Variants in ERCC6L2 observed in about 807,000 individuals in gnomAD.
ERCC6L2 encodes DNA excision repair protein ERCC-6-like 2.
In ERCC6L2, 77 loss-of-function variants were observed where a neutral mutation model predicts 132.0. That is an observed-to-expected ratio of 0.58 (90% CI 0.49 to 0.71). The LOEUF is 0.71. ERCC6L2 is among the 30% of genes least tolerant of loss of function. The probability of loss-of-function intolerance (pLI) is 0.00; values close to 1 mark genes in which losing one functional copy is unlikely to be tolerated. For missense variants in ERCC6L2, 1,542 were observed against 1,837.6 expected (o/e 0.84, Z 2.94); for synonymous variants, 583 against 632.4 (o/e 0.92, Z 1.17).
chr9:95,880,031 A>G (rs533810632), intron 1 of ERCC6L2, among the ~76,000 whole-genome samples: 1 of 152,310 alleles, frequency 6.6e-6, no homozygotes, highest in South Asian at 2.1e-4. Context: ...TCATAGTGGT[A>G]TATTTTCTGG....
At chr9:95,960,119 G>A (rs1831832008) in intron 13 of ERCC6L2, among the ~76,000 whole-genome samples, 1 of 152,070 alleles carries the variant, frequency 6.6e-6, no homozygotes, top group Non-Finnish European at 1.5e-5. Context: ...TGGAAACAAA[G>A]AAGCAAGACA....
At chr9:95,984,592 G>T (rs1409908270) in intron 17 of ERCC6L2, among the ~76,000 whole-genome samples, 2 of 151,898 alleles carry the variant, frequency 1.3e-5, no homozygotes, top group African/African-American at 4.8e-5. Flanking sequence ...TATGTCCTGT[G>T]ATTATTCTAA....
At chr9:95,929,183 T>A (rs1830231303) in intron 11 of ERCC6L2, 1 of 178,788 alleles carries the variant, frequency 5.6e-6, no homozygotes, top group Non-Finnish European at 1.2e-5. Context: ...TCTTATTAAC[T>A]GGATAACTGA....
chr9:95,952,218 A>G (rs961358467), intron 12 of ERCC6L2, among the ~76,000 whole-genome samples: 4 of 151,510 alleles, frequency 2.6e-5, no homozygotes, highest in Non-Finnish European at 5.9e-5. Context: ...AATGCTTCCA[A>G]AAAACTGAAG....
chr9:95,899,598 ATATG>A (rs1357184430), intron 3 of ERCC6L2, among the ~76,000 whole-genome samples: 4 of 113,212 alleles, frequency 3.5e-5, no homozygotes, highest in African/African-American at 8.3e-5. Flanking sequence ...CTTTATATAT[ATATG>A]TGTGTGTGTG....
intron 12 of ERCC6L2, 110 bp from the exon 13 acceptor site, chr9:95,955,804 T>C (rs1831570822): frequency 3.7e-6 from 2 of 534,444 alleles, no homozygotes; most frequent in Non-Finnish European, 6.4e-6. Flanking sequence ...AATGTTTATT[T>C]TTAAATTAAT....
intron 12 of ERCC6L2, among the ~76,000 whole-genome samples, chr9:95,950,031 A>AT (rs1364557749): frequency 1.3e-5 from 2 of 151,792 alleles, no homozygotes; most frequent in Non-Finnish European, 2.9e-5. Flanking sequence ...AAAAAAAAAA[A>AT]TCCTAAAGGG....
chr9:95,927,751 T>C (rs551447039), intron 9 of ERCC6L2, among the ~76,000 whole-genome samples: 3 of 152,296 alleles, frequency 2.0e-5, no homozygotes, highest in Non-Finnish European at 4.4e-5. Context: ...ATTGTAGGTA[T>C]AAAGAAAGTG....
chr9:95,907,857 C>CACACACACAAACACA, intron 4 of ERCC6L2, among the ~76,000 whole-genome samples: 3 of 133,816 alleles, frequency 2.2e-5, no homozygotes, highest in Non-Finnish European at 4.8e-5. Flanking sequence ...ACACACACAC[C>CACACACACAAACACA]CCCACACCCA....
At chr9:95,955,366 A>G (rs765801530) in intron 12 of ERCC6L2, among the ~76,000 whole-genome samples, 1 of 152,212 alleles carries the variant, frequency 6.6e-6, no homozygotes, top group Non-Finnish European at 1.5e-5. Context: ...AATAAACTGT[A>G]CATACTTCAA....
rs1312882939 is a variant in ERCC6L2, at chr9:96,012,709, A to T, written c.4159A>T (p.Ser1387Cys). Reference sequence around the variant, plus strand: ...TACTGTGACATCCCGTTCTCTGAACAGTGAGTCTGAAACACGTGAGAGAAG... The same window carrying T: ...TACTGTGACATCCCGTTCTCTGAACTGTGAGTCTGAAACACGTGAGAGAAG... ...EDTVTSRSLN[S>C]ESETRERRLE... The change falls in exon 19 of 19, where the codon AGT becomes TGT. Residue 1387 changes from serine (S) to cysteine (C), a missense_variant. Ser to Cys is a moderately radical substitution (Grantham distance 112). Transcript: ENST00000653738. The T allele has an allele frequency of 7.3e-7, 1 of 1,367,688 alleles. No homozygotes were observed. The highest frequency in any genetic ancestry group is 9.8e-7 in the Non-Finnish European group (1 of 1,021,854). 84.7% of individuals were successfully genotyped at this position (1,367,688 alleles called of 1,614,324 possible).
At position 96,015,017 on chromosome 9, in the gene ERCC6L2, T is replaced by TTTTTTTTTTTG. The variant is rs1834151473; in HGVS notation, c.*1824_*1825insGTTTTTTTTTT. 8.9e-6 allele frequency among the ~76,000 whole-genome samples: 1 copy of TTTTTTTTTTTG among 112,980 alleles called. No homozygotes were observed. Among genetic ancestry groups the TTTTTTTTTTTG allele is most frequent in the African/African-American group, 4.0e-5 (1 of 25,058 alleles). The allele number at this position is 112,980 out of a possible 152,430, so 74.1% of individuals were successfully genotyped here. On this transcript the variant is annotated 3_prime_UTR_variant, in exon 19 of 19. Transcript: ENST00000653738. ...TCTATAGTCTTCATATATGTACAGT[T>TTTTTTTTTTTG]TTTTTTTTTTTTTTTTTTTTTTTGA...
intron 4 of ERCC6L2, among the ~76,000 whole-genome samples, chr9:95,912,783 G>C (rs538906180): frequency 1.3e-5 from 2 of 152,192 alleles, no homozygotes; most frequent in South Asian, 4.2e-4. Flanking sequence ...GAGAGGACCA[G>C]GCCAGTCAGT....
chr9:95,961,254 A>T (rs1179479035), intron 13 of ERCC6L2, among the ~76,000 whole-genome samples: 1 of 152,084 alleles, frequency 6.6e-6, no homozygotes, highest in Non-Finnish European at 1.5e-5. Flanking sequence ...CCATTGACTG[A>T]TACCTTATAA....
chr9:95,959,158 C>T (rs1413516358), intron 13 of ERCC6L2, among the ~76,000 whole-genome samples: 1 of 151,324 alleles, frequency 6.6e-6, no homozygotes, highest in Non-Finnish European at 1.5e-5. Context: ...ACCAAAACAG[C>T]ATGGTACTGG....
intron 13 of ERCC6L2, among the ~76,000 whole-genome samples, chr9:95,959,746 T>G (rs1432863515): frequency 1.3e-5 from 2 of 149,834 alleles, no homozygotes; most frequent in Non-Finnish European, 3.0e-5. Flanking sequence ...CAAAAAAAAA[T>G]TATGTTCTTA....
rs1310521269 is a variant in ERCC6L2 at position 95,918,583 on chromosome 9, G to A, written c.1158+2149G>A. 1.3e-4 allele frequency: 48 copies of A among 373,342 alleles called. 1 individual carries two copies. Among genetic ancestry groups the A allele is most frequent in the South Asian group, 1.1e-3 (48 of 43,450 alleles). 23.1% of individuals were successfully genotyped at this position (373,342 alleles called of 1,614,324 possible). ...TCTGAGAATTGTGTGGAAAAGGACG[G>A]CCTGATTTTTACAAGTCGGGGGGCC... On this transcript the variant is annotated intron_variant, in intron 6 of 18. Transcript: ENST00000653738.
chr9:95,977,623 T>G (rs534316868), intron 16 of ERCC6L2, among the ~76,000 whole-genome samples: 1 of 152,090 alleles, frequency 6.6e-6, no homozygotes, highest in East Asian at 1.9e-4. Flanking sequence ...GCAAAGCCAA[T>G]CAAACGAAAC....
intron 1 of ERCC6L2, among the ~76,000 whole-genome samples, chr9:95,877,339 CTT>C (rs368120641): frequency 2.1e-5 from 3 of 144,164 alleles, no homozygotes; most frequent in Admixed American, 6.9e-5. Flanking sequence ...TCCCTTAAGG[CTT>C]TTTTTTTTTT....
Sources: gnomAD v4.1 joint callset for allele counts (sites outside exome capture counted in the v4.1 genomes callset) on GRCh38, gnomAD v4.1.1 for gene constraint, MANE v1.5 for transcripts, NCBI Gene and HGNC (gene_info 2026-07-23, HGNC 2026-07-21) for gene names.